CFAP70: variants seen among roughly 807,000 people sequenced by gnomAD.
CFAP70 encodes cilia- and flagella-associated protein 70.
Under a neutral mutation model 137.6 loss-of-function variants are expected in CFAP70, and 81 were observed. The ratio of observed to expected loss-of-function variants is 0.59; its 90% CI spans 0.49 to 0.71. The LOEUF is 0.71. Ranked by LOEUF, CFAP70 falls within the 30% of genes least tolerant of loss-of-function variation. The pLI is 0.00. For synonymous variants in CFAP70, 382 were observed against 423.6 expected, an observed-to-expected ratio of 0.90 and a Z score of 1.20; for missense variants, 976 against 1,226.7, an observed-to-expected ratio of 0.80 and a Z score of 3.05.
In CFAP70 at chr10:73,257,358, T is replaced by C. The variant is rs551850091; in HGVS notation, c.3028-942A>G. On this transcript the variant is annotated intron_variant, in intron 25 of 26. Transcript: ENST00000310715. ...AAGATCTGGATATGAGATAAGAACA[T>C]TAACTACTCCCCACCAGTTTATATT... Among the ~76,000 whole-genome samples, 23 of 152,308 alleles carry C rather than the reference T, an allele frequency of 1.5e-4. No individual in the cohort carries two copies. In the South Asian group the frequency reaches 4.8e-3, roughly 32 times the overall value.
chr10:73,265,285 T>C (rs901390125), intron 25 of CFAP70, among the ~76,000 whole-genome samples: 17 of 147,614 alleles, frequency 1.2e-4, no homozygotes, highest in South Asian at 2.1e-4. Context: ...ATCGCGCCAC[T>C]GCACTCCAGT....
intron 26 of CFAP70, 187 bp from the exon 28 acceptor site, chr10:73,254,242 T>C (rs997080891): frequency 1.3e-5 from 5 of 398,776 alleles, no homozygotes; most frequent in African/African-American, 4.1e-5. Context: ...CCTGGTTACA[T>C]GGATATGTTT....
At chr10:73,285,008 C>T (rs1041364053) in intron 19 of CFAP70, among the ~76,000 whole-genome samples, 1 of 151,316 alleles carries the variant, frequency 6.6e-6, no homozygotes, top group Non-Finnish European at 1.5e-5. Context: ...GTAAATTGAA[C>T]ATTAGTCTTA....
chr10:73,298,432 T>C (rs1420231569), intron 14 of CFAP70, among the ~76,000 whole-genome samples: 1 of 152,200 alleles, frequency 6.6e-6, no homozygotes, highest in Non-Finnish European at 1.5e-5. Flanking sequence ...TTCTGAATTT[T>C]AAAAAGTAAA....
chr10:73,355,967 G>GC (rs1554933141), intron 1 of CFAP70, among the ~76,000 whole-genome samples: 6 of 151,776 alleles, frequency 4.0e-5, no homozygotes, highest in African/African-American at 1.2e-4. Context: ...TCTGGTAACC[G>GC]TTTTTTTTAA....
At chr10:73,256,794 T>G (rs1470537178) in intron 25 of CFAP70, among the ~76,000 whole-genome samples, 2 of 147,548 alleles carry the variant, frequency 1.4e-5, no homozygotes, top group Admixed American at 1.4e-4. Context: ...TCCCAGCTAC[T>G]AGGGGAGCTG....
intron 1 of CFAP70, among the ~76,000 whole-genome samples, chr10:73,357,376 C>T (rs2054759634): frequency 6.6e-6 from 1 of 151,990 alleles, no homozygotes. Flanking sequence ...GGAGGAAGTA[C>T]GCTGGAACTA....
intron 11 of CFAP70, among the ~76,000 whole-genome samples, 169 bp downstream of exon 12, chr10:73,311,665 C>T (rs1451987149): frequency 6.6e-6 from 1 of 152,178 alleles, no homozygotes; most frequent in East Asian, 1.9e-4. Flanking sequence ...GTTCACTTTA[C>T]AGAGTTTCAA....
At position 73,286,720 on chromosome 10, in the gene CFAP70, G is replaced by A. The variant is rs539326881; in HGVS notation, c.2239+4506C>T. ...CACACACACAGAAATATAGAGTGTG[G>A]AGTGGAAAATTGGGGCTGACAGCCT... On this transcript the variant is annotated intron_variant, in intron 19 of 26. Transcript: ENST00000310715. 4.3e-4 allele frequency among the ~76,000 whole-genome samples: 66 copies of A among 152,322 alleles called. 1 individual carries two copies. In the South Asian group the frequency reaches 0.013, roughly 30 times the overall value.
At chr10:73,267,555 A>G (rs115756641) in intron 25 of CFAP70, among the ~76,000 whole-genome samples, 113 of 152,366 alleles carry the variant, frequency 7.4e-4, no homozygotes, top group African/African-American at 2.5e-3. Flanking sequence ...GAGTGGCAAC[A>G]TAACATTGCA....
intron 15 of CFAP70, chr10:73,294,144 G>T (rs1017264925): frequency 6.6e-6 from 1 of 152,102 alleles, no homozygotes; most frequent in African/African-American, 2.4e-5. Context: ...TAATACTTTT[G>T]TCCTGTTCTT....
intron 9 of CFAP70, among the ~76,000 whole-genome samples, chr10:73,313,224 T>C (rs1392004617): frequency 1.3e-5 from 2 of 151,304 alleles, no homozygotes; most frequent in African/African-American, 2.4e-5. Flanking sequence ...TACAAAAAAT[T>C]AGCCAGGCGT....
At chr10:73,336,666 C>T (rs895581649) in intron 6 of CFAP70, among the ~76,000 whole-genome samples, 6 of 149,108 alleles carry the variant, frequency 4.0e-5, no homozygotes, top group Non-Finnish European at 8.9e-5. Context: ...TCACTGCAAG[C>T]TCTGCCTCCT....
At position 73,335,426 on chromosome 10, in the gene CFAP70, T is replaced by A. The variant is rs2052548931; in HGVS notation, c.677+4A>T. On this transcript the variant is annotated splice_donor_region_variant and intron_variant, in intron 7 of 26. Coordinates refer to ENST00000310715, the Ensembl canonical transcript of CFAP70. ...TAGACATATGTCCTTCCTCTTCTTC[T>A]TACCTGACCACTGCAGAAGGATCAA... The A allele has an allele frequency of 1.2e-6, 2 of 1,602,952 alleles. No homozygotes were observed. The highest frequency in any genetic ancestry group is 1.3e-5 in the African/African-American group (1 of 74,774).
chr10:73,280,678 CATTT>C (rs1305201925), intron 19 of CFAP70, among the ~76,000 whole-genome samples: 1 of 152,132 alleles, frequency 6.6e-6, no homozygotes, highest in Non-Finnish European at 1.5e-5. Flanking sequence ...TCATACATTT[CATTT>C]AAGTTGTTAA....
At chr10:73,310,987 C>A (rs1254980488) in intron 11 of CFAP70, among the ~76,000 whole-genome samples, 1 of 152,102 alleles carries the variant, frequency 6.6e-6, no homozygotes, top group Non-Finnish European at 1.5e-5. Flanking sequence ...CTCTTTTTTT[C>A]ATACCCTTGC....
upstream of CFAP70, among the ~76,000 whole-genome samples, chr10:73,361,124 G>A (rs2054987610): frequency 6.6e-6 from 1 of 151,786 alleles, no homozygotes; most frequent in Non-Finnish European, 1.5e-5. Context: ...TCAGCCACTG[G>A]AGTAGATGTG....
intron 6 of CFAP70, among the ~76,000 whole-genome samples, chr10:73,339,992 G>A (rs913167340): frequency 1.2e-4 from 19 of 152,192 alleles, no homozygotes; most frequent in Admixed American, 5.2e-4. Context: ...TTCTTGTTTC[G>A]CATCCAGGAA....
chr10:73,278,253 G>A, exon 20 of CFAP70: 2 of 1,613,984 alleles, frequency 1.2e-6, no homozygotes, highest in Non-Finnish European at 1.7e-6. Flanking sequence ...AGTTTGTGTA[G>A]TCAAAATGGG....
Sources: gnomAD v4.1 joint callset for allele counts (sites outside exome capture counted in the v4.1 genomes callset) on GRCh38, gnomAD v4.1.1 for gene constraint, MANE v1.5 for transcripts, NCBI Gene and HGNC (gene_info 2026-07-23, HGNC 2026-07-21) for gene names.